The following PIGU variants were observed in gnomAD, a reference collection of about 807,000 sequenced individuals.
PIGU encodes phosphatidylinositol glycan anchor biosynthesis class U.
In PIGU, 24 loss-of-function variants were observed where a neutral mutation model predicts 49.9. The ratio of observed to expected loss-of-function variants is 0.48; its 90% CI spans 0.35 to 0.68. The LOEUF (loss-of-function observed/expected upper bound fraction) is 0.68, where lower values mean the gene tolerates loss of function less well. PIGU is among the 30% of genes least tolerant of loss of function. The probability of loss-of-function intolerance (pLI) is 0.01; values close to 1 mark genes in which losing one functional copy is unlikely to be tolerated. For missense variants in PIGU, 490 were observed against 532.6 expected, an observed-to-expected ratio of 0.92 and a Z score of 0.79; for synonymous variants, 220 against 205.7, an observed-to-expected ratio of 1.07 and a Z score of -0.59.
intron 6 of PIGU, among the ~76,000 whole-genome samples, chr20:34,621,473 G>T (rs1985229100): frequency 1.3e-5 from 2 of 152,148 alleles, no homozygotes; most frequent in South Asian, 4.1e-4. Flanking sequence ...CCTGCAGTCT[G>T]GGGGCAGAAA....
At chr20:34,674,192 T>C (rs1478747726) in intron 1 of PIGU, among the ~76,000 whole-genome samples, 2 of 151,592 alleles carry the variant, frequency 1.3e-5, no homozygotes, top group Admixed American at 6.6e-5. Context: ...TTATCTCTAC[T>C]AAAAATACAA....
At chr20:34,590,628 TAACATAACAC>T (rs1231335783) in intron 7 of PIGU, among the ~76,000 whole-genome samples, 53 of 149,280 alleles carry the variant, frequency 3.6e-4, no homozygotes, top group African/African-American at 1.1e-3. Context: ...TAACATAACA[TAACATAACAC>T]AACAACAAAA....
intron 6 of PIGU, among the ~76,000 whole-genome samples, chr20:34,625,112 A>C (rs147656376): frequency 0.016 from 2,495 of 151,688 alleles, 84 homozygotes; most frequent in African/African-American, 0.058. Context: ...TGGCTCACGC[A>C]TGTAATCCCA....
At chr20:34,581,047 A>C (rs1425129493) in intron 10 of PIGU, among the ~76,000 whole-genome samples, 1 of 152,148 alleles carries the variant, frequency 6.6e-6, no homozygotes, top group Non-Finnish European at 1.5e-5. Context: ...TAAATTAAAA[A>C]TTCAGGTTCT....
intron 7 of PIGU, among the ~76,000 whole-genome samples, chr20:34,598,282 G>T (rs1013596633): frequency 1.4e-4 from 21 of 152,184 alleles, no homozygotes; most frequent in African/African-American, 4.6e-4. Flanking sequence ...ACCTGAGGTG[G>T]GATGGAACTT....
intron 10 of PIGU, chr20:34,578,933 C>T (rs957365481): frequency 6.6e-6 from 1 of 152,084 alleles, no homozygotes; most frequent in Non-Finnish European, 1.5e-5. Context: ...GGTGGCTTAT[C>T]CAATCTCTGG....
At chr20:34,570,689 G>A (rs1158532266) in intron 11 of PIGU, among the ~76,000 whole-genome samples, 6 of 152,120 alleles carry the variant, frequency 3.9e-5, no homozygotes, top group Non-Finnish European at 7.3e-5. Flanking sequence ...GAGCCACCGC[G>A]CCCGGCCGCA....
At chr20:34,638,294 C>T (rs1427822652) in intron 4 of PIGU, among the ~76,000 whole-genome samples, 1 of 152,222 alleles carries the variant, frequency 6.6e-6, no homozygotes, top group Admixed American at 6.5e-5. Flanking sequence ...TAGGAAGGCA[C>T]ACTTTCCCTC....
rs750813197 is a variant in PIGU at position 34,657,208 on chromosome 20, G to A, written c.167C>T (p.Ser56Phe). Reference sequence around the variant, plus strand: ...ATGAAATACTGCTCCAGAATACGGAGATACTCCCAAGTCCAACAGTGAAAG... The same window carrying A: ...ATGAAATACTGCTCCAGAATACGGAAATACTCCCAAGTCCAACAGTGAAAG... Reference protein sequence around the residue: ...EGLSLLDLGVSPYSGAVFHET... With the variant: ...EGLSLLDLGVFPYSGAVFHET... Residue 56 changes from serine to phenylalanine, a missense_variant, in exon 2 of 12, where the codon TCT becomes TTT. By Grantham distance (155) the Ser-to-Phe change is radical. Coordinates refer to ENST00000217446, the MANE Select transcript of PIGU (RefSeq NM_080476.5). 5.0e-6 allele frequency: 8 copies of A among 1,612,708 alleles called. No homozygotes were observed. The African/African-American group carries it at 8.0e-5, about 16-fold the overall frequency.
chr20:34,562,271 G>A (rs980287377), intron 11 of PIGU: 3 of 327,334 alleles, frequency 9.2e-6, no homozygotes, highest in Non-Finnish European at 1.3e-5. Flanking sequence ...TACAGACACC[G>A]CAGCTCTCAG....
chr20:34,593,602 G>A (rs2146719075), intron 7 of PIGU, among the ~76,000 whole-genome samples: 1 of 152,214 alleles, frequency 6.6e-6, no homozygotes, highest in Admixed American at 6.5e-5. Flanking sequence ...TGACAGTGGT[G>A]GCATATCACT....
At chr20:34,599,434 C>A (rs1489153258) in intron 7 of PIGU, among the ~76,000 whole-genome samples, 1 of 152,086 alleles carries the variant, frequency 6.6e-6, no homozygotes, top group Non-Finnish European at 1.5e-5. Flanking sequence ...GCCTGGGCAA[C>A]AGAGACCCCC....
At chr20:34,591,574 C>T (rs73902653) in intron 7 of PIGU, among the ~76,000 whole-genome samples, 10,484 of 151,856 alleles carry the variant, frequency 0.069, 1,157 homozygotes, top group African/African-American at 0.24. Context: ...CAATCTCTGA[C>T]GATAATGGAA....
intron 4 of PIGU, among the ~76,000 whole-genome samples, chr20:34,640,497 GCGCACACACA>G (rs1371267806): frequency 3.9e-5 from 2 of 50,734 alleles, no homozygotes; most frequent in African/African-American, 2.1e-4. Flanking sequence ...ATGTGCGCAC[GCGCACACACA>G]CACACACACA....
At chr20:34,589,235 A>G (rs1983845789) in intron 7 of PIGU, among the ~76,000 whole-genome samples, 1 of 152,226 alleles carries the variant, frequency 6.6e-6, no homozygotes, top group South Asian at 2.1e-4. Flanking sequence ...AGAGGAAAAT[A>G]TAATTGGAAC....
At chr20:34,565,605 C>T (rs994330274) in intron 11 of PIGU, among the ~76,000 whole-genome samples, 34 of 152,032 alleles carry the variant, frequency 2.2e-4, no homozygotes, top group African/African-American at 8.2e-4. Context: ...ACATGTCACT[C>T]TGTGTCCTCA....
chr20:34,640,573 T>C (rs1438217427), intron 4 of PIGU, among the ~76,000 whole-genome samples: 1 of 151,924 alleles, frequency 6.6e-6, no homozygotes, highest in African/African-American at 2.4e-5. Context: ...GAAGTTAGGG[T>C]ATATATTAAA....
chr20:34,560,835 T>C lies in PIGU; in HGVS notation c.*31A>G, dbSNP rs1319103897. 8.0e-6 allele frequency: 12 copies of C among 1,494,324 alleles called. No homozygotes were observed. Among genetic ancestry groups the C allele is most frequent in the African/African-American group, 1.4e-5 (1 of 71,478 alleles). The allele number at this position is 1,494,324 out of a possible 1,614,324, so 92.6% of individuals were successfully genotyped here. Reference sequence around the variant, plus strand: ...CCCAGCTTCTGGCCCCACAGCCCCCTGAGGTCCATGCAGCCCTGTGCCAGC... The same window carrying C: ...CCCAGCTTCTGGCCCCACAGCCCCCCGAGGTCCATGCAGCCCTGTGCCAGC... On this transcript the variant is annotated 3_prime_UTR_variant, in exon 12 of 12. Coordinates refer to ENST00000217446, the MANE Select transcript of PIGU (RefSeq NM_080476.5).
At chr20:34,646,577 T>C (rs1173610180) in intron 2 of PIGU, among the ~76,000 whole-genome samples, 4 of 151,316 alleles carry the variant, frequency 2.6e-5, no homozygotes, top group African/African-American at 9.7e-5. Context: ...CCCAGCTAAT[T>C]TTTGTATTTT....
Sources: gnomAD v4.1 joint callset for allele counts (sites outside exome capture counted in the v4.1 genomes callset) on GRCh38, gnomAD v4.1.1 for gene constraint, MANE v1.5 for transcripts, NCBI Gene and HGNC (gene_info 2026-07-23, HGNC 2026-07-21) for gene names.